The following INSYN2B variants were observed in gnomAD, a reference collection of about 807,000 sequenced individuals.
INSYN2B encodes protein INSYN2B.
In INSYN2B, 16 loss-of-function variants were observed where a neutral mutation model predicts 41.2. The observed-to-expected ratio is 0.39, with a 90% CI of 0.26 to 0.59. The LOEUF is 0.59. INSYN2B is among the 20% of genes least tolerant of loss of function. INSYN2B has a pLI of 0.57. For synonymous variants in INSYN2B, 245 were observed against 244.4 expected (o/e 1.00, Z -0.02); for missense variants, 608 against 646.4 (o/e 0.94, Z 0.64).
intron 1 of INSYN2B, among the ~76,000 whole-genome samples, chr5:169,946,889 T>C (rs541526904): frequency 6.6e-6 from 1 of 152,196 alleles, no homozygotes; most frequent in East Asian, 1.9e-4. Flanking sequence ...TATGCAAAGA[T>C]CTGGGGAGAC....
At chr5:169,903,214 C>T (rs556191264) in intron 1 of INSYN2B, among the ~76,000 whole-genome samples, 18 of 150,360 alleles carry the variant, frequency 1.2e-4, no homozygotes, top group Non-Finnish European at 2.5e-4. Flanking sequence ...GAATTTGAGG[C>T]TACAGTGAGC....
chr5:169,869,988 G>C (rs991646372), intron 3 of INSYN2B, among the ~76,000 whole-genome samples: 2 of 152,194 alleles, frequency 1.3e-5, no homozygotes, highest in African/African-American at 4.8e-5. Flanking sequence ...GCAAATAGTA[G>C]TTAAGAAATT....
intron 1 of INSYN2B, among the ~76,000 whole-genome samples, chr5:169,925,698 C>T (rs78825433): frequency 0.017 from 2,477 of 145,646 alleles, 29 homozygotes; most frequent in South Asian, 0.07. Flanking sequence ...ATCTGTAGAA[C>T]GGAGTGACAA....
intron 1 of INSYN2B, among the ~76,000 whole-genome samples, chr5:169,944,962 G>A (rs1442699782): frequency 6.6e-6 from 1 of 152,094 alleles, no homozygotes; most frequent in Non-Finnish European, 1.5e-5. Context: ...ATCCTCTCTG[G>A]GGTCTATCCA....
At chr5:169,934,440 C>A (rs1278474520) in intron 1 of INSYN2B, among the ~76,000 whole-genome samples, 1 of 152,168 alleles carries the variant, frequency 6.6e-6, no homozygotes, top group Non-Finnish European at 1.5e-5. Flanking sequence ...GGCAGGGTGT[C>A]CCCAGTGCCC....
intron 1 of INSYN2B, among the ~76,000 whole-genome samples, chr5:169,910,666 C>T (rs573701057): frequency 1.1e-4 from 16 of 152,196 alleles, no homozygotes; most frequent in Non-Finnish European, 2.1e-4. Context: ...ATGAAGTCCC[C>T]AAAATGACCT....
In INSYN2B at chr5:169,863,647, A is replaced by G. The variant is rs1771346006; in HGVS notation, c.*626T>C. On this transcript the variant is annotated 3_prime_UTR_variant, in exon 4 of 4. Coordinates refer to ENST00000377365, the MANE Select transcript of INSYN2B (RefSeq NM_001129891.3). ...TGGCCTGACTCTGCCACAGGCAGAAAGGTGCATGCACCATGAGATGACAGA... is the reference window on the plus strand; with the variant it reads ...TGGCCTGACTCTGCCACAGGCAGAAGGGTGCATGCACCATGAGATGACAGA... Among the ~76,000 whole-genome samples, 1 of 152,258 alleles carries G rather than the reference A, an allele frequency of 6.6e-6. No homozygotes were observed. Among genetic ancestry groups the G allele is most frequent in the African/African-American group, 2.4e-5 (1 of 41,470 alleles).
chr5:169,864,581 G>T, intron 3 of INSYN2B, 122 bp from the exon 4 acceptor site: 1 of 753,024 alleles, frequency 1.3e-6, no homozygotes, highest in African/African-American at 1.8e-5. Context: ...TAGATCCTTA[G>T]GTACCTACTG....
chr5:169,970,841 C>A (rs1777476233), intron 1 of INSYN2B, among the ~76,000 whole-genome samples: 1 of 152,156 alleles, frequency 6.6e-6, no homozygotes, highest in Non-Finnish European at 1.5e-5. Flanking sequence ...GGCCAGCTCT[C>A]TGAATGGCAT....
At chr5:169,965,574 A>C (rs143562023) in intron 1 of INSYN2B, among the ~76,000 whole-genome samples, 24 of 152,296 alleles carry the variant, frequency 1.6e-4, no homozygotes, top group Admixed American at 1.4e-3. Flanking sequence ...TATTAAGATC[A>C]CCCAGGGAGC....
chr5:169,955,298 G>T (rs1776817399), intron 1 of INSYN2B, among the ~76,000 whole-genome samples: 1 of 152,216 alleles, frequency 6.6e-6, no homozygotes, highest in Non-Finnish European at 1.5e-5. Context: ...TGTTCAGAAA[G>T]TGAAGTGCCT....
At chr5:169,959,503 C>A (rs1238284536) in intron 1 of INSYN2B, among the ~76,000 whole-genome samples, 2 of 152,118 alleles carry the variant, frequency 1.3e-5, no homozygotes, top group Non-Finnish European at 2.9e-5. Flanking sequence ...TAAGGAAGAA[C>A]TTTCTAACAA....
At chr5:169,928,143 C>T (rs1303392514) in intron 1 of INSYN2B, among the ~76,000 whole-genome samples, 1 of 152,200 alleles carries the variant, frequency 6.6e-6, no homozygotes, top group Non-Finnish European at 1.5e-5. Flanking sequence ...AACCCTTCCC[C>T]CTGCAACTCA....
chr5:169,925,059 T>A (rs1561828373), intron 1 of INSYN2B, among the ~76,000 whole-genome samples: 1 of 152,238 alleles, frequency 6.6e-6, no homozygotes, highest in Admixed American at 6.5e-5. Flanking sequence ...TTTTCCTTTT[T>A]AATTTTTCTT....
chr5:169,895,099 C>T (rs1241281929), intron 1 of INSYN2B, among the ~76,000 whole-genome samples: 1 of 152,160 alleles, frequency 6.6e-6, no homozygotes, highest in Non-Finnish European at 1.5e-5. Flanking sequence ...CTGTGAAGCC[C>T]CATCCACCTC....
intron 1 of INSYN2B, among the ~76,000 whole-genome samples, chr5:169,943,005 A>C (rs1358304828): frequency 6.6e-6 from 1 of 152,244 alleles, no homozygotes; most frequent in African/African-American, 2.4e-5. Flanking sequence ...GGTTGTTGAT[A>C]TCAATAGCTA....
At chr5:169,917,139 CT>C (rs1774919195) in intron 1 of INSYN2B, among the ~76,000 whole-genome samples, 1 of 152,130 alleles carries the variant, frequency 6.6e-6, no homozygotes, top group Admixed American at 6.5e-5. Context: ...AAAAGACAAC[CT>C]TTTTTAGTGA....
intron 1 of INSYN2B, among the ~76,000 whole-genome samples, chr5:169,976,279 C>T (rs572672906): frequency 3.3e-5 from 5 of 152,126 alleles, no homozygotes; most frequent in African/African-American, 4.8e-5. Context: ...GGCTTAGAGT[C>T]GGAAAGGCCT....
At chr5:169,872,824 C>T (rs1408944499) in intron 3 of INSYN2B, among the ~76,000 whole-genome samples, 4 of 152,216 alleles carry the variant, frequency 2.6e-5, no homozygotes, top group Non-Finnish European at 1.5e-5. Context: ...GGGCAGATCA[C>T]TTAACCTCTC....
Sources: gnomAD v4.1 joint callset for allele counts (sites outside exome capture counted in the v4.1 genomes callset) on GRCh38, gnomAD v4.1.1 for gene constraint, MANE v1.5 for transcripts, NCBI Gene and HGNC (gene_info 2026-07-23, HGNC 2026-07-21) for gene names.